The following PHIP variants were observed in gnomAD, a reference collection of about 807,000 sequenced individuals.
PHIP encodes PH-interacting protein.
PHIP carries 54 observed loss-of-function variants against 236.8 expected under a neutral mutation model. That is an observed-to-expected ratio of 0.23 (90% confidence interval 0.18 to 0.29). The LOEUF (loss-of-function observed/expected upper bound fraction) is 0.29, where lower values mean the gene tolerates loss of function less well. PHIP is among the 10% of genes least tolerant of loss of function. The probability of loss-of-function intolerance (pLI) is 1.00; values close to 1 mark genes in which losing one functional copy is unlikely to be tolerated. For missense variants in PHIP, 1,370 were observed against 2,190.8 expected, an observed-to-expected ratio of 0.63 and a Z score of 7.48; for synonymous variants, 756 against 718.9, an observed-to-expected ratio of 1.05 and a Z score of -0.83.
At chr6:78,985,540 A>T in intron 21 of PHIP, 112 bp from the exon 22 acceptor site, 1 of 733,436 alleles carries the variant, frequency 1.4e-6, no homozygotes, top group East Asian at 2.7e-5. Flanking sequence ...GATATTTAAA[A>T]TTTGATTTAA....
intron 35 of PHIP, among the ~76,000 whole-genome samples, chr6:78,951,578 C>T (rs149687028): frequency 6.6e-6 from 1 of 152,242 alleles, no homozygotes; most frequent in African/African-American, 2.4e-5. Context: ...AACAAAACAA[C>T]AAACCTCCAT....
In PHIP at chr6:79,015,091, A is replaced by G; in HGVS notation, c.1515T>C (p.Tyr505=). The part of the protein sequence containing the change: ...DLARGVKIRS[Y]FNMIEGQGHG... ...AGAGAATGATAATTACCATATTGAA[A>G]TAAGATCGTATTTTGACTCCTCTTG... Residue 505 remains tyrosine (Y), a synonymous_variant, in exon 15 of 40, where the codon TAT becomes TAC. Transcript: ENST00000275034. 1 of 1,610,676 alleles carries G rather than the reference A, an allele frequency of 6.2e-7. No homozygotes were observed.
intron 4 of PHIP, among the ~76,000 whole-genome samples, chr6:79,073,157 T>C (rs9361488): frequency 0.46 from 69,403 of 152,014 alleles, 16,427 homozygotes; most frequent in East Asian, 0.7. Context: ...ATTAACAATA[T>C]AGTAAGTATT....
intron 21 of PHIP, 137 bp from the exon 22 acceptor site, chr6:78,985,565 G>A: frequency 1.5e-6 from 1 of 677,476 alleles, no homozygotes; most frequent in Non-Finnish European, 2.7e-6. Context: ...GTTGCAAAGG[G>A]TGTTGTGGCT....
chr6:79,032,514 T>C (rs1771725573), intron 7 of PHIP, among the ~76,000 whole-genome samples: 1 of 152,162 alleles, frequency 6.6e-6, no homozygotes. Context: ...GTAAATTCCA[T>C]CTCAAGAAAC....
At chr6:79,022,450 G>A (rs1160211427) in intron 9 of PHIP, among the ~76,000 whole-genome samples, 1 of 152,116 alleles carries the variant, frequency 6.6e-6, no homozygotes. Context: ...CCTGGCTCCA[G>A]TACCACCTGC....
intron 24 of PHIP, among the ~76,000 whole-genome samples, chr6:78,976,173 A>T (rs1429892676): frequency 1.3e-5 from 2 of 149,986 alleles, no homozygotes; most frequent in Non-Finnish European, 3.0e-5. Flanking sequence ...GGACCAAAAC[A>T]GAGATATAGA....
intron 18 of PHIP, 66 bp from the exon 19 acceptor site, chr6:78,997,663 A>G: frequency 3.3e-6 from 4 of 1,222,134 alleles, no homozygotes; most frequent in Non-Finnish European, 4.6e-6. Flanking sequence ...TATAACAGAA[A>G]AAAGAGATAA....
In PHIP at chr6:78,937,491, G is replaced by C. The variant is rs1262091155; in HGVS notation, c.*3202C>G. 3 of 151,612 alleles carry C rather than the reference G, an allele frequency of 2.0e-5. No homozygotes were observed. Among genetic ancestry groups the C allele is most frequent in the African/African-American group, 7.2e-5 (3 of 41,380 alleles). The allele number at this position is 151,612 out of a possible 1,614,324, so 9.4% of individuals were successfully genotyped here. A position where few individuals can be genotyped will look rare whatever the true frequency, so the allele number is the denominator to read the frequency against. Reference sequence around the variant, plus strand: ...CATAAAGATATTTTCTCTGATTACTGTATCTTATGTAATTCATTTCCAAGT... The same window carrying C: ...CATAAAGATATTTTCTCTGATTACTCTATCTTATGTAATTCATTTCCAAGT... On this transcript the variant is annotated 3_prime_UTR_variant, in exon 40 of 40. Transcript: ENST00000275034.
chr6:79,058,301 C>T (rs747814377), intron 6 of PHIP, among the ~76,000 whole-genome samples: 7 of 151,982 alleles, frequency 4.6e-5, no homozygotes, highest in African/African-American at 1.4e-4. Context: ...CTGTTGTCTC[C>T]GACATCCACT....
rs1464250661 is a variant in PHIP at position 79,078,166 on chromosome 6, C to G, written c.-98G>C. 1 of 1,226,514 alleles carries G rather than the reference C, an allele frequency of 8.2e-7. No individual in the cohort carries two copies. The highest frequency in any genetic ancestry group is 1.1e-6 in the Non-Finnish European group (1 of 872,194). 76.0% of individuals were successfully genotyped at this position (1,226,514 alleles called of 1,614,324 possible). On this transcript the variant is annotated 5_prime_UTR_variant, in exon 1 of 40. It removes the in-frame stop codon of an upstream open reading frame in the 5' UTR. Transcript: ENST00000275034. ...TGCCCTATAGCTGTCAGTGTGTGTTCACGAGCCGAGCTTCGGCTCCACCAT... is the reference window on the plus strand; with the variant it reads ...TGCCCTATAGCTGTCAGTGTGTGTTGACGAGCCGAGCTTCGGCTCCACCAT...
In PHIP at chr6:78,940,776, T is replaced by A. The variant is rs34609668; in HGVS notation, c.5383A>T (p.Thr1795Ser). The A allele has an allele frequency of 6.2e-7, 1 of 1,613,712 alleles. No homozygotes were observed. The highest frequency in any genetic ancestry group is 1.1e-5 in the South Asian group (1 of 91,070). The change falls in exon 40 of 40, where the codon ACC becomes TCC. Residue 1795 changes from threonine to serine, a missense_variant. By Grantham distance (58) the Thr-to-Ser change is moderately conservative. Transcript: ENST00000275034. ...CTAGAAGTTCCAAAAGTTAAAGAGGTGTCTTCGAACAACAGCTGCCTTTGC... is the reference window on the plus strand; with the variant it reads ...CTAGAAGTTCCAAAAGTTAAAGAGGAGTCTTCGAACAACAGCTGCCTTTGC... ...EEQRQLLFEDTSLTFGTSSRG... is the reference protein window; with the variant it reads ...EEQRQLLFEDSSLTFGTSSRG...
chr6:79,036,741 G>A (rs1771953484), intron 7 of PHIP, among the ~76,000 whole-genome samples: 1 of 151,894 alleles, frequency 6.6e-6, no homozygotes, highest in African/African-American at 2.4e-5. Context: ...CTAACATGGT[G>A]AAACCCTGTC....
intron 33 of PHIP, 53 bp from the exon 34 acceptor site, chr6:78,955,335 T>A: frequency 1.6e-6 from 2 of 1,258,418 alleles, no homozygotes; most frequent in Non-Finnish European, 2.3e-6. Context: ...GTCATTATAC[T>A]TTATAGTTGA....
intron 32 of PHIP, chr6:78,957,702 A>G (rs1766520720): frequency 1.3e-5 from 2 of 151,990 alleles, no homozygotes; most frequent in African/African-American, 2.4e-5. Flanking sequence ...AAAATTCAAT[A>G]CAAATAATGA....
At chr6:79,041,592 T>C (rs1772216086) in intron 7 of PHIP, among the ~76,000 whole-genome samples, 1 of 152,076 alleles carries the variant, frequency 6.6e-6, no homozygotes, top group Non-Finnish European at 1.5e-5. Flanking sequence ...TCAAATTTAC[T>C]TAAGGTTTTT....
intron 7 of PHIP, among the ~76,000 whole-genome samples, chr6:79,027,782 T>C (rs1771481510): frequency 6.6e-6 from 1 of 152,142 alleles, no homozygotes; most frequent in Admixed American, 6.6e-5. Flanking sequence ...GTGGTGATGC[T>C]TGAATAGAGT....
At chr6:78,972,492 C>A (rs984270589) in intron 24 of PHIP, among the ~76,000 whole-genome samples, 4 of 152,244 alleles carry the variant, frequency 2.6e-5, no homozygotes, top group Non-Finnish European at 5.9e-5. Flanking sequence ...CAAAGGAACA[C>A]AGCTCCTCAC....
intron 6 of PHIP, among the ~76,000 whole-genome samples, chr6:79,059,213 G>A (rs959172326): frequency 1.3e-5 from 2 of 151,972 alleles, no homozygotes; most frequent in African/African-American, 2.4e-5. Flanking sequence ...CAGATAAAGT[G>A]TTTAAGTCCC....
Sources: allele counts gnomAD v4.1 joint callset (sites outside exome capture counted in the v4.1 genomes callset), GRCh38; gene constraint gnomAD v4.1.1; transcripts MANE v1.5; gene names NCBI Gene and HGNC (gene_info 2026-07-23, HGNC 2026-07-21).